Variants in MARCHF1 observed in about 807,000 individuals in gnomAD.
MARCHF1 encodes the protein membrane associated ring-CH-type finger 1.
In MARCHF1, 40 loss-of-function variants were observed where a neutral mutation model predicts 54.2. The ratio of observed to expected loss-of-function variants is 0.74; its 90% CI spans 0.57 to 0.96. The LOEUF (loss-of-function observed/expected upper bound fraction) is 0.96, where lower values mean the gene tolerates loss of function less well. Among genes scored for constraint, MARCHF1 ranks in the 40% least tolerant of loss-of-function variants. The pLI is 0.00. For synonymous variants in MARCHF1, 236 were observed against 236.3 expected, an observed-to-expected ratio of 1.00 and a Z score of 0.01; for missense variants, 586 against 656.5, an observed-to-expected ratio of 0.89 and a Z score of 1.17.
At chr4:163,720,350 T>C (rs1479069090) in intron 4 of MARCHF1, among the ~76,000 whole-genome samples, 2 of 152,196 alleles carry the variant, frequency 1.3e-5, no homozygotes, top group African/African-American at 4.8e-5. Flanking sequence ...ATGTGTGATA[T>C]TATTTCTGAG....
chr4:163,595,337 T>C (rs1314635443), intron 7 of MARCHF1, among the ~76,000 whole-genome samples: 2 of 144,648 alleles, frequency 1.4e-5, no homozygotes, highest in East Asian at 2.1e-4. Flanking sequence ...AGTGAGACCC[T>C]GTCTTCACTA....
intron 4 of MARCHF1, among the ~76,000 whole-genome samples, chr4:163,789,820 C>G (rs193089329): frequency 6.6e-6 from 1 of 151,868 alleles, no homozygotes; most frequent in Admixed American, 6.6e-5. Context: ...ATTAGATAAC[C>G]TTAAGGAAAA....
Position 163,534,288 on chromosome 4 carries a change from A to ACTT in MARCHF1, c.1340-5245_1340-5243dup, listed in dbSNP as rs1267897132. Among the ~76,000 whole-genome samples, 4 of 152,172 alleles carry ACTT rather than the reference A, an allele frequency of 2.6e-5. No homozygotes were observed. The South Asian group carries it at 8.3e-4, about 31-fold the overall frequency. ...GTTCCTAACACCACAATCTAGGTCA[A>ACTT]CTTCTGGAGTTGGCATGAGAAAAAA... is the stretch of plus-strand genomic sequence containing the variant. On this transcript the variant is annotated intron_variant, in intron 9 of 9. Transcript: ENST00000514618.
chr4:164,080,682 ATATG>A (rs1560894713), intron 2 of MARCHF1, among the ~76,000 whole-genome samples: 1 of 151,304 alleles, frequency 6.6e-6, no homozygotes, highest in Non-Finnish European at 1.5e-5. Flanking sequence ...ATATATATAT[ATATG>A]TGTGTGTATA....
chr4:164,341,960 C>T (rs990387491), intron 1 of MARCHF1, among the ~76,000 whole-genome samples: 9 of 152,126 alleles, frequency 5.9e-5, no homozygotes, highest in Non-Finnish European at 1.3e-4. Flanking sequence ...ATTAAGGAAA[C>T]AGTCACATTT....
intron 1 of MARCHF1, among the ~76,000 whole-genome samples, chr4:164,129,391 TTAACA>T (rs1756253885): frequency 6.6e-6 from 1 of 152,178 alleles, no homozygotes; most frequent in Non-Finnish European, 1.5e-5. Context: ...GAAAATTGAA[TTAACA>T]TAATATTTTA....
intron 1 of MARCHF1, among the ~76,000 whole-genome samples, chr4:164,332,893 T>G (rs1339892021): frequency 6.6e-6 from 1 of 152,074 alleles, no homozygotes; most frequent in African/African-American, 2.4e-5. Flanking sequence ...AAGTATATAG[T>G]ATAGTATAAT....
intron 1 of MARCHF1, chr4:164,189,050 TG>T: frequency 1.5e-6 from 1 of 689,552 alleles, no homozygotes. Flanking sequence ...TTGTTCCACC[TG>T]GGTGGCAGAA....
intron 1 of MARCHF1, among the ~76,000 whole-genome samples, chr4:164,170,965 T>C (rs1730509565): frequency 1.3e-5 from 2 of 152,056 alleles, no homozygotes; most frequent in Admixed American, 1.3e-4. Flanking sequence ...TCAAAGAAAA[T>C]CTGACAAAAT....
At chr4:163,789,959 T>C (rs1309113137) in intron 4 of MARCHF1, among the ~76,000 whole-genome samples, 1 of 152,094 alleles carries the variant, frequency 6.6e-6, no homozygotes, top group Non-Finnish European at 1.5e-5. Context: ...GACAATGATA[T>C]AACATTAAAG....
intron 2 of MARCHF1, among the ~76,000 whole-genome samples, chr4:163,991,258 T>C (rs1447866846): frequency 6.6e-6 from 1 of 152,186 alleles, no homozygotes; most frequent in Non-Finnish European, 1.5e-5. Flanking sequence ...TAAATATTTA[T>C]CTAACATTGT....
chr4:163,857,337 C>T (rs550187889), intron 3 of MARCHF1, among the ~76,000 whole-genome samples: 6 of 152,242 alleles, frequency 3.9e-5, no homozygotes, highest in African/African-American at 1.2e-4. Flanking sequence ...TGCTGAGCCT[C>T]TGTAGACCAG....
intron 4 of MARCHF1, among the ~76,000 whole-genome samples, chr4:163,727,331 G>A (rs1459510622): frequency 5.4e-5 from 8 of 148,184 alleles, no homozygotes; most frequent in South Asian, 4.2e-4. Flanking sequence ...TTTTTTTGAC[G>A]GAGTCTCGCT....
At chr4:164,076,120 C>T (rs1452817047) in intron 2 of MARCHF1, among the ~76,000 whole-genome samples, 2 of 137,954 alleles carry the variant, frequency 1.4e-5, no homozygotes, top group Non-Finnish European at 3.1e-5. Context: ...CCAAAGAATT[C>T]AAACAAATAA....
At chr4:164,349,531 A>T (rs942289719) in intron 1 of MARCHF1, among the ~76,000 whole-genome samples, 1 of 152,096 alleles carries the variant, frequency 6.6e-6, no homozygotes, top group Admixed American at 6.5e-5. Context: ...AAAGTACAGT[A>T]CTTATTTTCT....
At chr4:164,277,871 A>G (rs1323724769) in intron 1 of MARCHF1, among the ~76,000 whole-genome samples, 1 of 152,246 alleles carries the variant, frequency 6.6e-6, no homozygotes, top group Non-Finnish European at 1.5e-5. Flanking sequence ...CGAAAGAGGA[A>G]AAGAAAGAAT....
At chr4:163,839,349 C>A (rs958275455) in intron 4 of MARCHF1, among the ~76,000 whole-genome samples, 2 of 152,030 alleles carry the variant, frequency 1.3e-5, no homozygotes, top group Non-Finnish European at 2.9e-5. Flanking sequence ...TAAGACCAAT[C>A]AATTACACTC....
intron 2 of MARCHF1, among the ~76,000 whole-genome samples, chr4:164,093,641 G>C (rs1199882588): frequency 1.3e-5 from 2 of 152,126 alleles, no homozygotes; most frequent in Non-Finnish European, 2.9e-5. Context: ...TACATTTCAA[G>C]TTTCTGGCAG....
rs139659093 is a variant in MARCHF1, at chr4:164,241,072, T to C, written c.-322-129410A>G. Among the ~76,000 whole-genome samples, 19 of 152,186 alleles carry C rather than the reference T, an allele frequency of 1.2e-4. No individual in the cohort carries two copies. In the East Asian group the frequency reaches 3.7e-3, roughly 30 times the overall value. ...AGATTGGTCTTTCAGAGATTTTTTT[T>C]AGACTTTTGCATTAAGGCAACCATC... On this transcript the variant is annotated intron_variant, in intron 1 of 9. Coordinates refer to ENST00000514618, the MANE Select transcript of MARCHF1 (RefSeq NM_001394959.1).
Sources: allele counts gnomAD v4.1 joint callset (sites outside exome capture counted in the v4.1 genomes callset), GRCh38; gene constraint gnomAD v4.1.1; transcripts MANE v1.5; gene names NCBI Gene and HGNC (gene_info 2026-07-23, HGNC 2026-07-21).